Variants in MAP3K5 observed in about 807,000 individuals in gnomAD.
The protein encoded by MAP3K5 is ASK-1.
In MAP3K5, 56 loss-of-function variants were observed where a neutral mutation model predicts 158.7. That is an observed-to-expected ratio of 0.35 (90% CI 0.28 to 0.44). The LOEUF (loss-of-function observed/expected upper bound fraction) is 0.44, where lower values mean the gene tolerates loss of function less well. MAP3K5 is among the 20% of genes least tolerant of loss of function. The pLI is 1.00. For synonymous variants in MAP3K5, 579 were observed against 601.7 expected (o/e 0.96, Z 0.55); for missense variants, 1,294 against 1,674.8 (o/e 0.77, Z 3.97).
chr6:136,598,408 T>C (rs1775724865), intron 21 of MAP3K5, among the ~76,000 whole-genome samples: 1 of 152,268 alleles, frequency 6.6e-6, no homozygotes, highest in Non-Finnish European at 1.5e-5. Context: ...ATGGTGGAGA[T>C]GATTTTTTCC....
intron 6 of MAP3K5, 137 bp from the exon 7 acceptor site, chr6:136,694,447 C>T (rs1394348061): frequency 7.6e-6 from 5 of 658,062 alleles, no homozygotes; most frequent in African/African-American, 1.8e-5. Flanking sequence ...TTTTGAGAGT[C>T]CTCTGTAAAC....
intron 1 of MAP3K5, among the ~76,000 whole-genome samples, chr6:136,745,796 A>G (rs146981396): frequency 6.6e-6 from 1 of 152,346 alleles, no homozygotes; most frequent in East Asian, 1.9e-4. Flanking sequence ...TTTTCAATAA[A>G]GGCATAGATA....
At position 136,690,861 on chromosome 6, in the gene MAP3K5, C is replaced by T. The variant is rs527662309; in HGVS notation, c.1253+3279G>A. 3.4e-4 allele frequency among the ~76,000 whole-genome samples: 52 copies of T among 152,194 alleles called. No individual in the cohort carries two copies. In the South Asian group the frequency reaches 9.7e-3, roughly 29 times the overall value. On this transcript the variant is annotated intron_variant, in intron 7 of 29. Transcript: ENST00000359015. ...TTTCCCTTCAGCCTAAAGACTTTAACATTTCTTGTAGTGAAGTTCTGCTGG... is the reference window on the plus strand; with the variant it reads ...TTTCCCTTCAGCCTAAAGACTTTAATATTTCTTGTAGTGAAGTTCTGCTGG...
chr6:136,713,716 A>C (rs1203309870), intron 2 of MAP3K5, among the ~76,000 whole-genome samples: 1 of 152,218 alleles, frequency 6.6e-6, no homozygotes, highest in Non-Finnish European at 1.5e-5. Flanking sequence ...TAAAGGAACA[A>C]GATTGTCTCT....
chr6:136,712,926 A>T (rs541929953), intron 2 of MAP3K5, among the ~76,000 whole-genome samples: 1 of 152,202 alleles, frequency 6.6e-6, no homozygotes, highest in Admixed American at 6.5e-5. Context: ...AGGCCTCCCC[A>T]GCCACATAGA....
intron 7 of MAP3K5, among the ~76,000 whole-genome samples, chr6:136,680,050 C>CCACA (rs35553089): frequency 0.15 from 21,870 of 149,122 alleles, 2,204 homozygotes; most frequent in African/African-American, 0.28. Flanking sequence ...AATAAGCTAG[C>CCACA]CACACACACA....
rs1317627954 is a variant in MAP3K5 at position 136,557,199 on chromosome 6, A to C, written c.*559T>G. 6.5e-6 allele frequency: 1 copy of C among 153,424 alleles called. No individual in the cohort carries two copies. The highest frequency in any genetic ancestry group is 2.4e-5 in the African/African-American group (1 of 41,464). 9.5% of individuals were successfully genotyped at this position (153,424 alleles called of 1,614,324 possible). A position where few individuals can be genotyped will look rare whatever the true frequency, so the allele number is the denominator to read the frequency against. Reference sequence around the variant, plus strand: ...AAATGTACGACAGGTCAGAAACTTAAGTTACAAAATAGAGTCAATATTACA... The same window carrying C: ...AAATGTACGACAGGTCAGAAACTTACGTTACAAAATAGAGTCAATATTACA... On this transcript the variant is annotated 3_prime_UTR_variant, in exon 30 of 30. Transcript: ENST00000359015.
At chr6:136,699,707 G>A (rs1371854820) in intron 3 of MAP3K5, among the ~76,000 whole-genome samples, 1 of 152,208 alleles carries the variant, frequency 6.6e-6, no homozygotes, top group Non-Finnish European at 1.5e-5. Context: ...ACTGGAGCTC[G>A]AAGCTCAGGG....
intron 1 of MAP3K5, among the ~76,000 whole-genome samples, chr6:136,783,172 G>A (rs540650363): frequency 6.6e-6 from 1 of 151,898 alleles, no homozygotes; most frequent in Non-Finnish European, 1.5e-5. Flanking sequence ...AGGCTTGGCT[G>A]TGCTCAAAGC....
chr6:136,637,091 ACTCG>A, intron 14 of MAP3K5: 4 of 1,380,186 alleles, frequency 2.9e-6, no homozygotes, highest in Non-Finnish European at 3.7e-6. Context: ...AAGCATAGTT[ACTCG>A]CTATCAGGTA....
At chr6:136,635,410 A>C (rs907512742) in intron 14 of MAP3K5, among the ~76,000 whole-genome samples, 3 of 152,200 alleles carry the variant, frequency 2.0e-5, no homozygotes, top group Non-Finnish European at 4.4e-5. Context: ...TAAAACATAC[A>C]TAAATAAGAA....
At chr6:136,677,037 G>A (rs1477904199) in intron 7 of MAP3K5, among the ~76,000 whole-genome samples, 1 of 150,848 alleles carries the variant, frequency 6.6e-6, no homozygotes. Flanking sequence ...TGATCCACCT[G>A]CCTCAGCTTC....
At position 136,792,180 on chromosome 6, in the gene MAP3K5, G is replaced by T. The variant is rs1582714754; in HGVS notation, c.-23C>A. On this transcript the variant is annotated 5_prime_UTR_variant, in exon 1 of 30. Transcript: ENST00000359015. The surrounding 1 kb of genome is among the most constrained non-coding windows in gnomAD (Gnocchi z 5.7). ...CATCTCTCCGGGCCGGGCAGCAACG[G>T]CGGCGGCGTCCCCCGCCCAGCCGCA... The T allele has an allele frequency of 6.5e-7, 1 of 1,530,764 alleles. No homozygotes were observed. Among genetic ancestry groups the T allele is most frequent in the Non-Finnish European group, 8.8e-7 (1 of 1,142,542 alleles). The allele number at this position is 1,530,764 out of a possible 1,614,324, so 94.8% of individuals were successfully genotyped here.
intron 18 of MAP3K5, among the ~76,000 whole-genome samples, chr6:136,606,812 CA>C (rs1776120166): frequency 1.3e-5 from 2 of 152,342 alleles, no homozygotes; most frequent in Non-Finnish European, 2.9e-5. Context: ...ATGCCTCATG[CA>C]TGGTTTTAGG....
In MAP3K5 at chr6:136,557,832, C is replaced by G; in HGVS notation, c.4065-14G>C. 2 of 1,584,694 alleles carry G rather than the reference C, an allele frequency of 1.3e-6. No individual in the cohort carries two copies. The highest frequency in any genetic ancestry group is 4.5e-5 in the East Asian group (2 of 44,748). ...AGCATCCCTCCCCTGTTTAAAGACA[C>G]AAGAACATGGTGAAACGAACATTTC... On this transcript the variant is annotated splice_polypyrimidine_tract_variant and intron_variant, in intron 29 of 29. Transcript: ENST00000359015.
intron 1 of MAP3K5, among the ~76,000 whole-genome samples, chr6:136,781,067 TAAG>T (rs1784593987): frequency 2.0e-5 from 3 of 152,158 alleles, no homozygotes; most frequent in Admixed American, 1.3e-4. Flanking sequence ...GCTATCACAT[TAAG>T]GGAAACTGCA....
At chr6:136,626,120 C>T (rs1334301767) in intron 14 of MAP3K5, among the ~76,000 whole-genome samples, 6 of 152,172 alleles carry the variant, frequency 3.9e-5, no homozygotes, top group Non-Finnish European at 7.4e-5. Flanking sequence ...GGTACACACG[C>T]ATGACTCGAG....
chr6:136,566,536 G>C (rs1370189609), intron 26 of MAP3K5, among the ~76,000 whole-genome samples: 4 of 152,178 alleles, frequency 2.6e-5, no homozygotes, highest in African/African-American at 9.7e-5. Flanking sequence ...GGAGGAATGA[G>C]GGAAACCAAG....
intron 23 of MAP3K5, 72 bp from the exon 24 acceptor site, chr6:136,583,812 T>C (rs1340433602): frequency 7.2e-7 from 1 of 1,383,498 alleles, no homozygotes; most frequent in Non-Finnish European, 1.0e-6. Flanking sequence ...CCTATCTCCA[T>C]ACCCCCTGCC....
Sources: gnomAD v4.1 joint callset for allele counts (sites outside exome capture counted in the v4.1 genomes callset) on GRCh38, gnomAD v4.1.1 for gene constraint, Gnocchi (gnomAD v3.1) non-coding constraint, MANE v1.5 for transcripts, NCBI Gene and HGNC (gene_info 2026-07-23, HGNC 2026-07-21) for gene names.